C12orf42: variants seen among roughly 807,000 people sequenced by gnomAD.
C12orf42 encodes chromosome 12 open reading frame 42.
In C12orf42, 25 loss-of-function variants were observed where a neutral mutation model predicts 21.6. The ratio of observed to expected loss-of-function variants is 1.16; its 90% CI spans 0.84 to 1.62. C12orf42 has a LOEUF of 1.62. Among genes scored for constraint, C12orf42 ranks in the 40% most tolerant of loss-of-function variants. The pLI is 0.00. For missense variants in C12orf42, 483 were observed against 459.3 expected, an observed-to-expected ratio of 1.05 and a Z score of -0.47; for synonymous variants, 174 against 175.0, an observed-to-expected ratio of 0.99 and a Z score of 0.05.
chr12:103,423,838 G>C (rs920248738), intron 2 of C12orf42, among the ~76,000 whole-genome samples: 1 of 152,148 alleles, frequency 6.6e-6, no homozygotes, highest in African/African-American at 2.4e-5. Context: ...CAAAGCTCTC[G>C]GCATCCCCTG....
At chr12:103,519,872 T>C in the C12orf42 span, among the ~76,000 whole-genome samples, 3 of 152,048 alleles carry the variant, frequency 2.0e-5, no homozygotes, top group Non-Finnish European at 4.4e-5. Flanking sequence ...GAATAACCCA[T>C]GTTGAGATGG....
chr12:103,311,575 T>A (rs1217317076), intron 4 of C12orf42, among the ~76,000 whole-genome samples: 3 of 152,154 alleles, frequency 2.0e-5, no homozygotes, highest in African/African-American at 7.2e-5. Context: ...AAAAGGAAAG[T>A]CCTTTTGCAA....
the C12orf42 span, among the ~76,000 whole-genome samples, chr12:103,528,892 G>A: frequency 6.6e-6 from 1 of 152,146 alleles, no homozygotes; most frequent in African/African-American, 2.4e-5. Context: ...TATTGTCCAT[G>A]TTTTAGACAA....
At chr12:103,198,503 G>A in the C12orf42 span, among the ~76,000 whole-genome samples, 5 of 152,192 alleles carry the variant, frequency 3.3e-5, no homozygotes, top group Non-Finnish European at 7.3e-5. Context: ...GGAGCATGGT[G>A]ATCCTTGTGA....
intron 2 of C12orf42, among the ~76,000 whole-genome samples, chr12:103,443,475 T>C (rs942116235): frequency 2.0e-5 from 3 of 152,082 alleles, no homozygotes; most frequent in African/African-American, 7.2e-5. Context: ...CCCAGGACTC[T>C]CACTCCAAAC....
chr12:103,369,607 G>C (rs2045007133), intron 3 of C12orf42, among the ~76,000 whole-genome samples: 1 of 151,788 alleles, frequency 6.6e-6, no homozygotes. Context: ...TGGGGGAGAG[G>C]AGGCTCTTAA....
At chr12:103,250,056 C>CATCTATCTATCTATCT (rs3063670) in intron 10 of C12orf42, among the ~76,000 whole-genome samples, 21 of 148,070 alleles carry the variant, frequency 1.4e-4, no homozygotes, top group African/African-American at 4.5e-4. Context: ...AAATCAAAGA[C>CATCTATCTATCTATCT]ATCTATCTAT....
the C12orf42 span, among the ~76,000 whole-genome samples, chr12:103,554,029 C>T: frequency 1.3e-5 from 2 of 152,214 alleles, no homozygotes; most frequent in East Asian, 3.9e-4. Context: ...AGCAAGTCAC[C>T]TATTTTTATA....
chr12:103,291,431 G>C (rs1317355266), intron 4 of C12orf42, among the ~76,000 whole-genome samples: 2 of 152,192 alleles, frequency 1.3e-5, no homozygotes, highest in Admixed American at 6.5e-5. Context: ...AGAACAAGCT[G>C]ACAGAGTAGC....
chr12:103,120,771 T>C, the C12orf42 span, among the ~76,000 whole-genome samples: 1 of 149,062 alleles, frequency 6.7e-6, no homozygotes, highest in Non-Finnish European at 1.5e-5. Context: ...TATAGTATAT[T>C]ATATATACCA....
chr12:103,272,816 C>A (rs2136270950), intron 5 of C12orf42, among the ~76,000 whole-genome samples: 1 of 152,278 alleles, frequency 6.6e-6, no homozygotes, highest in East Asian at 1.9e-4. Flanking sequence ...GCAGGACATG[C>A]AGCTAGTCAG....
chr12:103,404,885 C>T (rs965249806), intron 2 of C12orf42, among the ~76,000 whole-genome samples: 9 of 152,206 alleles, frequency 5.9e-5, no homozygotes, highest in East Asian at 5.8e-4. Flanking sequence ...GTTCTGTTCA[C>T]GCTCACAGGC....
At chr12:103,181,511 G>A in the C12orf42 span, among the ~76,000 whole-genome samples, 1 of 152,192 alleles carries the variant, frequency 6.6e-6, no homozygotes, top group African/African-American at 2.4e-5. Flanking sequence ...CAGAGGTGGA[G>A]GTAGCTTTGG....
At chr12:103,457,939 T>C (rs1027736116) in intron 2 of C12orf42, among the ~76,000 whole-genome samples, 3 of 152,182 alleles carry the variant, frequency 2.0e-5, no homozygotes, top group African/African-American at 7.2e-5. Flanking sequence ...CTAATGGTCA[T>C]CGTAACTGAG....
intron 5 of C12orf42, among the ~76,000 whole-genome samples, chr12:103,274,504 G>T (rs536007464): frequency 3.9e-5 from 6 of 152,248 alleles, no homozygotes; most frequent in African/African-American, 1.4e-4. Context: ...TATAGAGCTA[G>T]AATTCTTCTT....
the C12orf42 span, among the ~76,000 whole-genome samples, chr12:103,521,444 A>C: frequency 7.9e-5 from 12 of 152,100 alleles, no homozygotes; most frequent in Non-Finnish European, 1.3e-4. Flanking sequence ...AAAACCAAAC[A>C]CCACATGTTC....
At chr12:103,528,049 A>C in the C12orf42 span, among the ~76,000 whole-genome samples, 2 of 152,214 alleles carry the variant, frequency 1.3e-5, no homozygotes, top group South Asian at 4.1e-4. Context: ...GCTCCCAAAA[A>C]ATATAGACTT....
chr12:103,099,900 T>G, the C12orf42 span, among the ~76,000 whole-genome samples: 156 of 152,190 alleles, frequency 1.0e-3, no homozygotes, highest in Non-Finnish European at 1.9e-3. Flanking sequence ...ATCTCTTGAG[T>G]AGATAAACCT....
chr12:103,421,620 T>TAA (rs1323566090), intron 2 of C12orf42, among the ~76,000 whole-genome samples: 1 of 144,828 alleles, frequency 6.9e-6, no homozygotes, highest in African/African-American at 2.5e-5. Context: ...AATAAATAAA[T>TAA]ATCAGCATGA....
Sources: allele counts gnomAD v4.1 joint callset (sites outside exome capture counted in the v4.1 genomes callset), GRCh38; gene constraint gnomAD v4.1.1; transcripts MANE v1.5; gene names NCBI Gene and HGNC (gene_info 2026-07-23, HGNC 2026-07-21).